The following HERC2 variants were observed in gnomAD, a reference collection of about 807,000 sequenced individuals.
HERC2 encodes the protein E3 ubiquitin-protein ligase HERC2.
Under a neutral mutation model 537.7 loss-of-function variants are expected in HERC2, and 102 were observed. That is an observed-to-expected ratio of 0.19 (90% CI 0.16 to 0.22). The LOEUF (loss-of-function observed/expected upper bound fraction) is 0.22. Ranked by LOEUF, HERC2 falls within the 10% of genes least tolerant of loss-of-function variation. The pLI is 1.00. For missense variants in HERC2, 4,236 were observed against 6,198.2 expected (o/e 0.68, Z 10.63); for synonymous variants, 2,224 against 2,466.2 (o/e 0.90, Z 2.91).
chr15:28,249,184 A>G (rs1567069141), intron 20 of HERC2, among the ~76,000 whole-genome samples: 1 of 152,242 alleles, frequency 6.6e-6, no homozygotes, highest in African/African-American at 2.4e-5. Context: ...TTCAAACAGC[A>G]ATGTGATACT....
intron 2 of HERC2, among the ~76,000 whole-genome samples, chr15:28,318,758 T>C (rs546298572): frequency 1.5e-3 from 223 of 152,152 alleles, no homozygotes; most frequent in African/African-American, 5.0e-3. Flanking sequence ...ATAATGTCTA[T>C]GATAAAGAAG....
chr15:28,265,606 A>G lies in HERC2; in HGVS notation c.1870+12T>C. 1.2e-6 allele frequency: 2 copies of G among 1,609,776 alleles called. No homozygotes were observed. The highest frequency in any genetic ancestry group is 1.7e-6 in the Non-Finnish European group (2 of 1,176,726). ...TCGTGGGCCTGTCCAGGGTGGCGAG[A>G]GCTCTACGTACCGTTCTCAGTGACA... On this transcript the variant is annotated intron_variant, in intron 14 of 92. Transcript: ENST00000261609. The surrounding 1 kb of genome is among the most constrained non-coding windows in gnomAD (Gnocchi z 4.0).
At chr15:28,197,785 A>G (rs1897492829) in intron 50 of HERC2, among the ~76,000 whole-genome samples, 1 of 152,144 alleles carries the variant, frequency 6.6e-6, no homozygotes, top group South Asian at 2.1e-4. Context: ...TGTTAATGTC[A>G]ATGTTAGAAC....
At chr15:28,112,093 T>G in intron 92 of HERC2, 58 bp from the exon 93 acceptor site, 1 of 1,529,104 alleles carries the variant, frequency 6.5e-7, no homozygotes. Flanking sequence ...TTTACTTTAC[T>G]GTGCTCATTA....
At chr15:28,126,343 A>C (rs1047418382) in intron 83 of HERC2, among the ~76,000 whole-genome samples, 4 of 152,194 alleles carry the variant, frequency 2.6e-5, no homozygotes, top group Admixed American at 2.6e-4. Flanking sequence ...AAAGAACTAA[A>C]AGTAGATCTA....
Position 28,193,118 on chromosome 15 carries a change from A to G in HERC2, c.8261-967T>C, listed in dbSNP as rs555249262. Among the ~76,000 whole-genome samples the G allele has an allele frequency of 2.6e-5, 4 of 152,310 alleles. No individual in the cohort carries two copies. The South Asian group carries it at 8.3e-4, about 32-fold the overall frequency. On this transcript the variant is annotated intron_variant, in intron 52 of 92. Coordinates refer to ENST00000261609, the MANE Select transcript of HERC2 (RefSeq NM_004667.6). Reference sequence around the variant, plus strand: ...AGTCAAGAAATAACTTTTTAAATACAATGTCCAGTACATAATGACACATGA... The same window carrying G: ...AGTCAAGAAATAACTTTTTAAATACGATGTCCAGTACATAATGACACATGA...
At chr15:28,209,577 T>C (rs1486221375) in intron 44 of HERC2, among the ~76,000 whole-genome samples, 1 of 152,156 alleles carries the variant, frequency 6.6e-6, no homozygotes, top group Non-Finnish European at 1.5e-5. Flanking sequence ...TCTCCTGACC[T>C]CGTGATCTGC....
In HERC2 at chr15:28,215,475, G is replaced by A. The variant is rs1353375799; in HGVS notation, c.6210+146C>T. On this transcript the variant is annotated intron_variant, in intron 39 of 92. Transcript: ENST00000261609. ...AACTTACCAATTATCAAGGACCTCT[G>A]CCCCTTGCCTCCAGAAAATCTACCC... The A allele has an allele frequency of 6.7e-6, 4 of 599,358 alleles. No individual in the cohort carries two copies. The East Asian group carries it at 8.7e-5, about 13-fold the overall frequency. The allele number at this position is 599,358 out of a possible 1,614,324, so 37.1% of individuals were successfully genotyped here. A position where few individuals can be genotyped will look rare whatever the true frequency, so the allele number is the denominator to read the frequency against.
chr15:28,264,040 A>T (rs1387843416), intron 14 of HERC2, among the ~76,000 whole-genome samples: 11 of 147,658 alleles, frequency 7.4e-5, no homozygotes, highest in South Asian at 2.1e-4. Flanking sequence ...AAAAAAAAAC[A>T]AACAAAAACA....
chr15:28,129,922 C>T (rs1252356753), intron 83 of HERC2, among the ~76,000 whole-genome samples: 12 of 151,972 alleles, frequency 7.9e-5, no homozygotes, highest in African/African-American at 2.2e-4. Context: ...GATGCAGGCG[C>T]GCGCCACCAT....
In HERC2 at chr15:28,220,597, C is replaced by T. The variant is rs768303222; in HGVS notation, c.5700G>A (p.Glu1900=). 79 of 1,603,436 alleles carry T rather than the reference C, an allele frequency of 4.9e-5. No individual in the cohort carries two copies. The highest frequency in any genetic ancestry group is 1.8e-5 in the Non-Finnish European group (21 of 1,179,834). Residue 1900 remains glutamate, a synonymous_variant, in exon 37 of 93, where the codon GAG becomes GAA. Coordinates refer to ENST00000261609, the MANE Select transcript of HERC2 (RefSeq NM_004667.6). ...CCCACTGGACTCTTATCCATCCGTC[C>T]TCTCCCAGCTCACCAATCACGCGGC... ...GLGRVIGELG[E]DGWIRVQWDT... is the part of the protein sequence containing the mutation.
chr15:28,174,838 T>C (rs1274881175), intron 64 of HERC2, among the ~76,000 whole-genome samples: 2 of 152,118 alleles, frequency 1.3e-5, no homozygotes, highest in African/African-American at 4.8e-5. Context: ...CTAATACCTA[T>C]AAAAGGAGTA....
At chr15:28,250,101 A>C (rs1194704995) in intron 20 of HERC2, among the ~76,000 whole-genome samples, 1 of 146,514 alleles carries the variant, frequency 6.8e-6, no homozygotes, top group Non-Finnish European at 1.5e-5. Flanking sequence ...TCTGCACAAC[A>C]CCAAGAGTGA....
chr15:28,268,498 C>T lies in HERC2; in HGVS notation c.1565G>A (p.Gly522Glu), dbSNP rs2075631851. 6.2e-7 allele frequency: 1 copy of T among 1,614,134 alleles called. No homozygotes were observed. Among genetic ancestry groups the T allele is most frequent in the Non-Finnish European group, 8.5e-7 (1 of 1,180,006 alleles). ...ATGEVYSWGC[G>E]DGGRLGHGDT... is the part of the protein sequence containing the mutation. Reference sequence around the variant, plus strand: ...CCCATGGCCCAGCCGTCCGCCGTCCCCACAGCCCCAGGAGTACACCTCTCC... The same window carrying T: ...CCCATGGCCCAGCCGTCCGCCGTCCTCACAGCCCCAGGAGTACACCTCTCC... The change falls in exon 12 of 93, where the codon GGG (glycine) becomes GAG (glutamate). Residue 522 changes from glycine (G) to glutamate (E), a missense_variant. Physicochemically the swap from Gly to Glu is moderately conservative, Grantham distance 98. This residue lies in a region of HERC2 where 754 missense variants were observed against 1,085.0 expected (regional missense o/e 0.69). Coordinates refer to ENST00000261609, the MANE Select transcript of HERC2 (RefSeq NM_004667.6). This position sits in a 1 kb window ranked among gnomAD's most constrained non-coding sequence, Gnocchi z 4.7.
chr15:28,242,836 G>C (rs1022560944), intron 23 of HERC2, among the ~76,000 whole-genome samples: 1 of 152,168 alleles, frequency 6.6e-6, no homozygotes. Flanking sequence ...AAAAGCATGT[G>C]ATGAAACTTA....
In HERC2 at chr15:28,268,650, T is replaced by G. The variant is rs1263463038; in HGVS notation, c.1447-34A>C. The G allele has an allele frequency of 6.3e-7, 1 of 1,589,022 alleles. No homozygotes were observed. The highest frequency in any genetic ancestry group is 8.6e-7 in the Non-Finnish European group (1 of 1,165,020). ...GGAAAAATACGAAGAAAAGTAGTCATCAGTCCAAGGAAAATGAAACCAGCT... is the reference window on the plus strand; with the variant it reads ...GGAAAAATACGAAGAAAAGTAGTCAGCAGTCCAAGGAAAATGAAACCAGCT... On this transcript the variant is annotated intron_variant, in intron 11 of 92. Transcript: ENST00000261609. The surrounding 1 kb of genome is among the most constrained non-coding windows in gnomAD (Gnocchi z 4.7).
intron 2 of HERC2, among the ~76,000 whole-genome samples, chr15:28,314,356 A>C (rs907825428): frequency 4.6e-5 from 7 of 152,236 alleles, no homozygotes; most frequent in Admixed American, 4.6e-4. Context: ...TCAGCTCGGA[A>C]CAATGGGGTG....
intron 26 of HERC2, among the ~76,000 whole-genome samples, chr15:28,236,418 G>A (rs934533434): frequency 6.6e-6 from 1 of 151,868 alleles, no homozygotes; most frequent in Admixed American, 6.6e-5. Flanking sequence ...AGCCTCCCGA[G>A]TAACTGGGAT....
chr15:28,261,100 A>C lies in HERC2; in HGVS notation c.2123-130T>G, dbSNP rs76333042. The C allele has an allele frequency of 6.0e-3, 3,982 of 662,576 alleles. 107 individuals carry two copies. In the African/African-American group the frequency reaches 0.066, roughly 11 times the overall value. The allele number at this position is 662,576 out of a possible 1,614,324, so 41.0% of individuals were successfully genotyped here. A position where few individuals can be genotyped will look rare whatever the true frequency, so the allele number is the denominator to read the frequency against. ...CTTGAGGATAATCTGCTTTGCTTTAATATTAAGCACAATTCATTTGCTTTG... is the reference window on the plus strand; with the variant it reads ...CTTGAGGATAATCTGCTTTGCTTTACTATTAAGCACAATTCATTTGCTTTG... On this transcript the variant is annotated intron_variant, in intron 15 of 92. Coordinates refer to ENST00000261609, the MANE Select transcript of HERC2 (RefSeq NM_004667.6).
Sources: allele counts gnomAD v4.1 joint callset (sites outside exome capture counted in the v4.1 genomes callset), GRCh38; gene constraint gnomAD v4.1.1; regional missense constraint gnomAD v4.1.1; non-coding constraint Gnocchi (gnomAD v3.1); transcripts MANE v1.5; gene names NCBI Gene and HGNC (gene_info 2026-07-23, HGNC 2026-07-21).